ABI3BP: variants seen among roughly 807,000 people sequenced by gnomAD.
ABI3BP encodes ABI family member 3 binding protein.
In ABI3BP, 216 loss-of-function variants were observed where a neutral mutation model predicts 268.6. That is an observed-to-expected ratio of 0.80 (90% CI 0.72 to 0.90). The LOEUF is 0.90. Ranked by LOEUF, ABI3BP falls within the 40% of genes least tolerant of loss-of-function variation. ABI3BP has a pLI of 0.00. For missense variants in ABI3BP, 2,090 were observed against 2,182.4 expected, an observed-to-expected ratio of 0.96 and a Z score of 0.84; for synonymous variants, 730 against 730.0, an observed-to-expected ratio of 1.00 and a Z score of 0.00.
intron 2 of ABI3BP, among the ~76,000 whole-genome samples, chr3:100,921,092 G>A (rs941017382): frequency 6.6e-6 from 1 of 152,328 alleles, no homozygotes; most frequent in Admixed American, 6.5e-5. Flanking sequence ...GGCCTGTGCT[G>A]AGTGTGAGAA....
rs557274431 is a variant in ABI3BP at position 100,818,514 on chromosome 3, A to C, written c.3088+11T>G. 6.5e-7 allele frequency: 1 copy of C among 1,532,560 alleles called. No homozygotes were observed. The highest frequency in any genetic ancestry group is 2.0e-5 in the Admixed American group (1 of 50,986). The allele number at this position is 1,532,560 out of a possible 1,614,324, so 94.9% of individuals were successfully genotyped here. The stretch of plus-strand genomic sequence containing the variant: ...GAAAAGCACTATTTGAAGGACACAC[A>C]TTCTCATTACCCATGGTTTTTGGAG... On this transcript the variant is annotated intron_variant, in intron 41 of 67. Coordinates refer to ENST00000471714, the MANE Select transcript of ABI3BP (RefSeq NM_001375547.2).
chr3:100,981,243 T>TA (rs5851239), intron 1 of ABI3BP, among the ~76,000 whole-genome samples: 83,817 of 149,434 alleles, frequency 0.56, 23,806 homozygotes, highest in East Asian at 0.87. Flanking sequence ...ACTTTTGCCT[T>TA]AAAAAAAAAA....
intron 57 of ABI3BP, among the ~76,000 whole-genome samples, chr3:100,781,994 A>C (rs990850096): frequency 1.3e-5 from 2 of 152,224 alleles, no homozygotes; most frequent in African/African-American, 4.8e-5. Context: ...ACTAAGATGC[A>C]AAGAACAGAG....
At chr3:100,914,501 A>G in intron 2 of ABI3BP, 1 of 453,856 alleles carries the variant, frequency 2.2e-6, no homozygotes, top group South Asian at 1.6e-5. Flanking sequence ...CTGGGATTCC[A>G]GAATGTTCAC....
At chr3:100,956,067 A>C (rs62275192) in intron 1 of ABI3BP, among the ~76,000 whole-genome samples, 1 of 151,856 alleles carries the variant, frequency 6.6e-6, no homozygotes, top group Non-Finnish European at 1.5e-5. Flanking sequence ...ATGTACCTGT[A>C]ATCCCAGCTA....
intron 63 of ABI3BP, among the ~76,000 whole-genome samples, chr3:100,760,483 T>A (rs1405925302): frequency 1.3e-5 from 2 of 152,164 alleles, no homozygotes; most frequent in African/African-American, 4.8e-5. Flanking sequence ...AATTGCAGAC[T>A]GCAGACAGAG....
In ABI3BP at chr3:100,838,252, G is replaced by T; in HGVS notation, c.2041C>A (p.Pro681Thr). The T allele has an allele frequency of 6.5e-7, 1 of 1,536,478 alleles. No individual in the cohort carries two copies. Among genetic ancestry groups the T allele is most frequent in the Non-Finnish European group, 8.7e-7 (1 of 1,146,848 alleles). ...SKPPKQLLPKPQTTAEPDMPP... is the reference protein window; with the variant it reads ...SKPPKQLLPKTQTTAEPDMPP... ...ATGTCTGGTTCTGCTGTGGTTTGGG[G>T]TTTAGGAAGTAATTGTTTTGGTGGT... Residue 681 changes from proline (P) to threonine (T), a missense_variant, in exon 26 of 68, where the codon CCC becomes ACC. Physicochemically the swap from Pro to Thr is conservative, Grantham distance 38 (BLOSUM62 -1). Transcript: ENST00000471714.
intron 6 of ABI3BP, among the ~76,000 whole-genome samples, chr3:100,883,922 T>G (rs1296496028): frequency 1.3e-5 from 2 of 152,056 alleles, no homozygotes; most frequent in East Asian, 3.8e-4. Flanking sequence ...ATTGGAAACT[T>G]ATAATCATGC....
In ABI3BP at chr3:100,749,753, AG is replaced by A. The variant is rs540905168; in HGVS notation, c.*741del. 34 of 398,282 alleles carry A rather than the reference AG, an allele frequency of 8.5e-5. No homozygotes were observed. The highest frequency in any genetic ancestry group is 6.4e-4 in the African/African-American group (31 of 48,728). The allele number at this position is 398,282 out of a possible 1,614,324, so 24.7% of individuals were successfully genotyped here. On this transcript the variant is annotated 3_prime_UTR_variant, in exon 68 of 68. Coordinates refer to ENST00000471714, the MANE Select transcript of ABI3BP (RefSeq NM_001375547.2). ...AAACAATATGAAGACGATTGCATAAAGGGATAGTTTGACAAAGCATATTCAG... is the reference window on the plus strand; with the variant it reads ...AAACAATATGAAGACGATTGCATAAAGGATAGTTTGACAAAGCATATTCAG...
intron 56 of ABI3BP, among the ~76,000 whole-genome samples, chr3:100,789,175 CCT>C (rs2097131164): frequency 6.6e-6 from 1 of 152,032 alleles, no homozygotes; most frequent in African/African-American, 2.4e-5. Context: ...CTCTATGCAA[CCT>C]CTTTGTCAGG....
chr3:100,823,875 C>T (rs1275640482), intron 36 of ABI3BP, among the ~76,000 whole-genome samples: 1 of 152,130 alleles, frequency 6.6e-6, no homozygotes, highest in Admixed American at 6.5e-5. Flanking sequence ...CTCTGTACTT[C>T]TGAATATTAG....
chr3:100,899,340 T>C (rs1303065420), intron 3 of ABI3BP, among the ~76,000 whole-genome samples: 1 of 152,196 alleles, frequency 6.6e-6, no homozygotes, highest in Non-Finnish European at 1.5e-5. Context: ...AAATAACATC[T>C]AAGACAAGAA....
At chr3:100,876,488 A>G (rs973729123) in intron 7 of ABI3BP, 24 bp downstream of exon 7, 1 of 1,602,906 alleles carries the variant, frequency 6.2e-7, no homozygotes, top group Non-Finnish European at 8.5e-7. Flanking sequence ...TGCTCTAAAC[A>G]CATTTCCAGA....
chr3:100,789,357 A>G (rs2097136460), intron 56 of ABI3BP, 97 bp downstream of exon 56: 1 of 1,117,118 alleles, frequency 9.0e-7, no homozygotes, highest in African/African-American at 1.6e-5. Flanking sequence ...CTCTTATTGC[A>G]ATGTAAGGGT....
chr3:100,803,244 T>C (rs2097584376), intron 51 of ABI3BP, among the ~76,000 whole-genome samples: 1 of 145,874 alleles, frequency 6.9e-6, no homozygotes, highest in Admixed American at 6.8e-5. Flanking sequence ...TTGTTAACTA[T>C]TTGTGTTGTT....
rs555547288 is a variant in ABI3BP, at chr3:100,982,694, T to G, written c.79+10612A>C. ...GAGCATGCCCAGAATCATTTTCCTT[T>G]TAATTCTTGTAAAAAGGAATAGTTA... On this transcript the variant is annotated intron_variant, in intron 1 of 67. Coordinates refer to ENST00000471714, the MANE Select transcript of ABI3BP (RefSeq NM_001375547.2). Among the ~76,000 whole-genome samples, 3 of 152,210 alleles carry G rather than the reference T, an allele frequency of 2.0e-5. No homozygotes were observed. The East Asian group carries it at 5.8e-4, about 29-fold the overall frequency.
At chr3:100,847,421 G>A (rs991361366) in intron 19 of ABI3BP, among the ~76,000 whole-genome samples, 181 bp downstream of exon 19, 2 of 152,164 alleles carry the variant, frequency 1.3e-5, no homozygotes, top group African/African-American at 4.8e-5. Context: ...ACTAACTGTT[G>A]GGCCAGCTAG....
intron 2 of ABI3BP, among the ~76,000 whole-genome samples, chr3:100,913,247 C>T (rs2057411987): frequency 6.6e-6 from 1 of 152,138 alleles, no homozygotes; most frequent in Admixed American, 6.5e-5. Flanking sequence ...ATTCATAACT[C>T]AACTGTAGTC....
At chr3:100,830,359 A>C (rs889849219) in intron 32 of ABI3BP, among the ~76,000 whole-genome samples, 22 of 151,680 alleles carry the variant, frequency 1.5e-4, no homozygotes, top group African/African-American at 4.8e-4. Flanking sequence ...GGTAATTCAA[A>C]GTCATTACAT....
Sources: gnomAD v4.1 joint callset for allele counts (sites outside exome capture counted in the v4.1 genomes callset) on GRCh38, gnomAD v4.1.1 for gene constraint, MANE v1.5 for transcripts, NCBI Gene and HGNC (gene_info 2026-07-23, HGNC 2026-07-21) for gene names.